MN1: variants seen among roughly 807,000 people sequenced by gnomAD.
The protein encoded by MN1 is transcriptional activator MN1.
Under a neutral mutation model 86.9 loss-of-function variants are expected in MN1, and 19 were observed. The ratio of observed to expected loss-of-function variants is 0.22; its 90% CI spans 0.15 to 0.32. MN1 has a LOEUF of 0.32. Ranked by LOEUF, MN1 falls within the 10% of genes least tolerant of loss-of-function variation. The probability of loss-of-function intolerance (pLI) is 1.00; values close to 1 mark genes in which losing one functional copy is unlikely to be tolerated. For missense variants in MN1, 1,841 were observed against 1,862.0 expected (o/e 0.99, Z 0.21); for synonymous variants, 928 against 849.6 (o/e 1.09, Z -1.60).
chr22:27,760,820 G>A (rs1244957901), intron 1 of MN1, among the ~76,000 whole-genome samples: 3 of 152,330 alleles, frequency 2.0e-5, no homozygotes, highest in East Asian at 1.9e-4. Flanking sequence ...CGTGGCAATC[G>A]AGAAAAGGAA....
At chr22:27,753,833 G>A (rs2146292852) in intron 1 of MN1, among the ~76,000 whole-genome samples, 1 of 152,266 alleles carries the variant, frequency 6.6e-6, no homozygotes, top group African/African-American at 2.4e-5. Flanking sequence ...ACCCATGCTT[G>A]CCTTGTTCCC....
chr22:27,754,554 A>C (rs1932790105), intron 1 of MN1, among the ~76,000 whole-genome samples: 1 of 152,234 alleles, frequency 6.6e-6, no homozygotes, highest in Non-Finnish European at 1.5e-5. Context: ...AGAGAATATT[A>C]TTCTTCAGTT....
chr22:27,772,484 C>T (rs184247953), intron 1 of MN1, among the ~76,000 whole-genome samples: 13 of 152,246 alleles, frequency 8.5e-5, no homozygotes, highest in Admixed American at 7.2e-4. Flanking sequence ...GAAGTACAGT[C>T]GTCAAGTCAT....
rs1461084659 is a variant in MN1, at chr22:27,749,645, GA to G, written c.*1269del. 5 of 231,880 alleles carry G rather than the reference GA, an allele frequency of 2.2e-5. No homozygotes were observed. Among genetic ancestry groups the G allele is most frequent in the Non-Finnish European group, 4.3e-5 (5 of 117,258 alleles). 14.4% of individuals were successfully genotyped at this position (231,880 alleles called of 1,614,324 possible). On this transcript the variant is annotated 3_prime_UTR_variant, in exon 2 of 2. Transcript: ENST00000302326. ...GGTGAGATTCCAAAAAAATGTTGGG[GA>G]GGGGGCAGAGGAATTCCAGAGTTCA...
intron 1 of MN1, among the ~76,000 whole-genome samples, chr22:27,793,992 T>C (rs753229136): frequency 2.0e-5 from 3 of 151,308 alleles, no homozygotes; most frequent in Non-Finnish European, 2.9e-5. Context: ...GCAAGGGGAG[T>C]AGAAAAAAAA....
chr22:27,754,743 C>T (rs577401940), intron 1 of MN1, among the ~76,000 whole-genome samples: 1 of 152,160 alleles, frequency 6.6e-6, no homozygotes, highest in Non-Finnish European at 1.5e-5. Flanking sequence ...CCTCAGTCTC[C>T]GCTCCTTGAG....
chr22:27,796,108 C>A (rs1297048294), intron 1 of MN1, among the ~76,000 whole-genome samples: 1 of 150,776 alleles, frequency 6.6e-6, no homozygotes, highest in Non-Finnish European at 1.5e-5. Flanking sequence ...TGAAAAGGTT[C>A]CCTGCCTCCT....
intron 1 of MN1, among the ~76,000 whole-genome samples, chr22:27,765,809 C>T (rs145927212): frequency 9.8e-5 from 15 of 152,286 alleles, no homozygotes; most frequent in African/African-American, 2.4e-4. Flanking sequence ...TCTTCTTACC[C>T]GCTCCCTGGT....
At chr22:27,754,585 C>A (rs1486324067) in intron 1 of MN1, among the ~76,000 whole-genome samples, 2 of 152,230 alleles carry the variant, frequency 1.3e-5, no homozygotes, top group East Asian at 1.9e-4. Context: ...CAAGCATGAC[C>A]AAACTCATCC....
In MN1 at chr22:27,749,561, T is replaced by C. The variant is rs1259659074; in HGVS notation, c.*1354A>G. On this transcript the variant is annotated 3_prime_UTR_variant, in exon 2 of 2. Coordinates refer to ENST00000302326, the MANE Select transcript of MN1 (RefSeq NM_002430.3). ...GCCCCTGCCAACCACCACTCATCTC[T>C]GCTCAGAGCAGTTATTCCTTTGTGA... 4.3e-6 allele frequency: 1 copy of C among 232,274 alleles called. No individual in the cohort carries two copies. The highest frequency in any genetic ancestry group is 8.5e-6 in the Non-Finnish European group (1 of 117,510). The allele number at this position is 232,274 out of a possible 1,614,324, so 14.4% of individuals were successfully genotyped here.
intron 1 of MN1, among the ~76,000 whole-genome samples, chr22:27,776,204 G>C (rs563057810): frequency 2.0e-5 from 3 of 152,308 alleles, no homozygotes; most frequent in African/African-American, 4.8e-5. Context: ...GGCTCTTCCT[G>C]GGGGAGGCTC....
chr22:27,793,974 C>T (rs946690093), intron 1 of MN1, among the ~76,000 whole-genome samples: 1 of 152,030 alleles, frequency 6.6e-6, no homozygotes, highest in Non-Finnish European at 1.5e-5. Flanking sequence ...CAAAAATGGG[C>T]TTTGCCTGCA....
chr22:27,770,797 A>G (rs1433654098), intron 1 of MN1, among the ~76,000 whole-genome samples: 1 of 151,628 alleles, frequency 6.6e-6, no homozygotes, highest in Non-Finnish European at 1.5e-5. Flanking sequence ...AGCTGAGACT[A>G]TAGGCATGAG....
In MN1 at chr22:27,797,286, G is replaced by T; in HGVS notation, c.3258C>A (p.Pro1086=). The stretch of plus-strand genomic sequence containing the variant: ...CGTGTTCCCCGGCGCCTACCCCACG[G>T]GGAGGGAGTTTGGGCGAGCCGGTCA... ...PLVTGSPKLP[P]RGVGAGEHGP... The change falls in exon 1 of 2, where the codon CCC becomes CCA. Residue 1086 remains proline (P), a synonymous_variant. Coordinates refer to ENST00000302326, the MANE Select transcript of MN1 (RefSeq NM_002430.3). 6.3e-7 allele frequency: 1 copy of T among 1,596,726 alleles called. No homozygotes were observed. Among genetic ancestry groups the T allele is most frequent in the East Asian group, 2.2e-5 (1 of 44,746 alleles).
At position 27,800,364 on chromosome 22, in the gene MN1, G is replaced by T; in HGVS notation, c.180C>A (p.Ile60=). 6.2e-7 allele frequency: 1 copy of T among 1,609,544 alleles called. No homozygotes were observed. Among genetic ancestry groups the T allele is most frequent in the Non-Finnish European group, 8.5e-7 (1 of 1,177,454 alleles). ...CGTAGGGCTCCATGTTCATGCCCAA[G>T]ATCGGGGGTTCGCCCAGCGCGCTCA... ...PAMSALGEPP[I]LGMNMEPYGF... The change falls in exon 1 of 2, where the codon ATC becomes ATA. Residue 60 remains isoleucine (I), a synonymous_variant. Coordinates refer to ENST00000302326, the MANE Select transcript of MN1 (RefSeq NM_002430.3).
chr22:27,796,322 A>G (rs1169690835), intron 1 of MN1, among the ~76,000 whole-genome samples: 1 of 152,120 alleles, frequency 6.6e-6, no homozygotes, highest in African/African-American at 2.4e-5. Flanking sequence ...AAAAGGTGGG[A>G]GGCGTTAACA....
Position 27,797,251 on chromosome 22 carries a change from G to A in MN1, c.3293C>T (p.Ala1098Val). The A allele has an allele frequency of 6.3e-7, 1 of 1,577,376 alleles. No homozygotes were observed. Among genetic ancestry groups the A allele is most frequent in the Non-Finnish European group, 8.6e-7 (1 of 1,168,630 alleles). The change falls in exon 1 of 2, where the codon GCG (alanine) becomes GTG (valine). Residue 1098 changes from alanine to valine, a missense_variant. Transcript: ENST00000302326. ...GCCCAGGCCGAGGGCGGGCGGGGGCGCCTTCGGTCCGTGTTCCCCGGCGCC... is the reference window on the plus strand; with the variant it reads ...GCCCAGGCCGAGGGCGGGCGGGGGCACCTTCGGTCCGTGTTCCCCGGCGCC... ...GVGAGEHGPK[A>V]PPPALGLGIM...
At chr22:27,786,428 TAA>T (rs993399081) in intron 1 of MN1, among the ~76,000 whole-genome samples, 70 of 150,226 alleles carry the variant, frequency 4.7e-4, no homozygotes, top group African/African-American at 1.7e-3. Flanking sequence ...TCTTAAAAGT[TAA>T]ACACACACAC....
In MN1 at chr22:27,748,798, C is replaced by G. The variant is rs904631623; in HGVS notation, c.*2117G>C. The stretch of plus-strand genomic sequence containing the variant: ...AATTGGCAAAGTGTTGATGACTCAA[C>G]GCTGGGAAAGTCAAAGACAGAAGTT... On this transcript the variant is annotated 3_prime_UTR_variant, in exon 2 of 2. Transcript: ENST00000302326. 8.9e-6 allele frequency: 2 copies of G among 223,718 alleles called. No homozygotes were observed. The highest frequency in any genetic ancestry group is 4.5e-5 in the African/African-American group (2 of 44,776). 13.9% of individuals were successfully genotyped at this position (223,718 alleles called of 1,614,324 possible).
Sources: gnomAD v4.1 joint callset for allele counts (sites outside exome capture counted in the v4.1 genomes callset) on GRCh38, gnomAD v4.1.1 for gene constraint, MANE v1.5 for transcripts, NCBI Gene and HGNC (gene_info 2026-07-23, HGNC 2026-07-21) for gene names.